Variants in EHD3 observed in about 807,000 individuals in gnomAD.
EHD3 encodes EH domain-containing protein 3.
Under a neutral mutation model 43.0 loss-of-function variants are expected in EHD3, and 17 were observed. The ratio of observed to expected loss-of-function variants is 0.40; its 90% CI spans 0.27 to 0.59. The LOEUF is 0.59. Among genes scored for constraint, EHD3 ranks in the 20% least tolerant of loss-of-function variants. EHD3 has a pLI of 0.49. For missense variants in EHD3, 594 were observed against 705.6 expected, an observed-to-expected ratio of 0.84 and a Z score of 1.79; for synonymous variants, 313 against 289.5, an observed-to-expected ratio of 1.08 and a Z score of -0.82.
chr2:31,260,359 G>T lies in EHD3; in HGVS notation c.503-151G>T. ...TCTATGAGACATTGAGTAATTTGCT[G>T]GAGTCCAAACAGTTAAAATGTGGAG... On this transcript the variant is annotated intron_variant, in intron 3 of 5. Transcript: ENST00000322054. The surrounding 1 kb of genome is among the most constrained non-coding windows in gnomAD (Gnocchi z 4.6). 1 of 712,350 alleles carries T rather than the reference G, an allele frequency of 1.4e-6. No individual in the cohort carries two copies. Among genetic ancestry groups the T allele is most frequent in the Non-Finnish European group, 2.1e-6 (1 of 469,934 alleles). 44.1% of individuals were successfully genotyped at this position (712,350 alleles called of 1,614,324 possible).
chr2:31,266,081 G>C lies in EHD3; in HGVS notation c.1081-96G>C. On this transcript the variant is annotated intron_variant, in intron 5 of 5. Transcript: ENST00000322054. The surrounding 1 kb of genome is among the most constrained non-coding windows in gnomAD (Gnocchi z 5.1). ...GGTCTTTCATTGTAGAAAGGGATCAGCTGTGAACATTCTGGTGCTCATAGG... is the reference window on the plus strand; with the variant it reads ...GGTCTTTCATTGTAGAAAGGGATCACCTGTGAACATTCTGGTGCTCATAGG... 1 of 1,429,640 alleles carries C rather than the reference G, an allele frequency of 7.0e-7. No individual in the cohort carries two copies. The highest frequency in any genetic ancestry group is 9.4e-7 in the Non-Finnish European group (1 of 1,059,734). 88.6% of individuals were successfully genotyped at this position (1,429,640 alleles called of 1,614,324 possible).
chr2:31,261,054 G>A (rs897579559), intron 4 of EHD3, 132 bp downstream of exon 4: 39 of 1,023,132 alleles, frequency 3.8e-5, no homozygotes, highest in East Asian at 5.2e-5. Flanking sequence ...AGGACAGTGC[G>A]GGAGCCATGG....
intron 5 of EHD3, 64 bp downstream of exon 5, chr2:31,261,777 G>A: frequency 6.3e-7 from 1 of 1,574,912 alleles, no homozygotes; most frequent in Non-Finnish European, 8.6e-7. Flanking sequence ...AGCAGCCTGA[G>A]TATGGAGGAG....
chr2:31,257,323 A>C (rs191219216), intron 3 of EHD3, among the ~76,000 whole-genome samples: 2 of 152,290 alleles, frequency 1.3e-5, no homozygotes, highest in East Asian at 3.9e-4. Context: ...ATCCCTGGGA[A>C]GGGAAGGATG....
rs1683953810 is a variant in EHD3 at position 31,266,482 on chromosome 2, C to A, written c.1386C>A (p.Ile462=). 4 of 1,614,152 alleles carry A rather than the reference C, an allele frequency of 2.5e-6. No homozygotes were observed. The highest frequency in any genetic ancestry group is 3.4e-6 in the Non-Finnish European group (4 of 1,180,042). The part of the protein sequence containing the change: ...FYTLSPVDGK[I]TGANAKKEMV... Reference sequence around the variant, plus strand: ...CCCTGTCACCGGTGGATGGCAAGATCACAGGCGCTAATGCCAAGAAGGAGA... The same window carrying A: ...CCCTGTCACCGGTGGATGGCAAGATAACAGGCGCTAATGCCAAGAAGGAGA... The change falls in exon 6 of 6, where the codon ATC becomes ATA. Residue 462 remains isoleucine (I), a synonymous_variant. Transcript: ENST00000322054. The surrounding 1 kb of genome is among the most constrained non-coding windows in gnomAD (Gnocchi z 5.1).
chr2:31,264,802 G>T (rs1026626808), intron 5 of EHD3, among the ~76,000 whole-genome samples: 9 of 151,900 alleles, frequency 5.9e-5, no homozygotes, highest in Non-Finnish European at 1.3e-4. Context: ...CAAAGTGCTG[G>T]GATTACAGGC....
chr2:31,266,519 A>G lies in EHD3; in HGVS notation c.1423A>G (p.Lys475Glu). Reference protein sequence around the residue: ...ANAKKEMVRSKLPNSVLGKIW... With the variant: ...ANAKKEMVRSELPNSVLGKIW... ...TGCCAAGAAGGAGATGGTGCGCTCC[A>G]AGCTGCCCAACAGTGTGCTGGGCAA... The change falls in exon 6 of 6, where the codon AAG (lysine) becomes GAG (glutamate). Residue 475 changes from lysine to glutamate, a missense_variant. Lys to Glu is a moderately conservative substitution (Grantham distance 56). This residue lies in a region of EHD3 where 322 missense variants were observed against 348.0 expected (regional missense o/e 0.93). Transcript: ENST00000322054. The surrounding 1 kb of genome is among the most constrained non-coding windows in gnomAD (Gnocchi z 5.1). 6.2e-7 allele frequency: 1 copy of G among 1,614,176 alleles called. No individual in the cohort carries two copies. Among genetic ancestry groups the G allele is most frequent in the Admixed American group, 1.7e-5 (1 of 60,030 alleles).
At chr2:31,247,745 A>G (rs1256396415) in intron 2 of EHD3, among the ~76,000 whole-genome samples, 1 of 152,234 alleles carries the variant, frequency 6.6e-6, no homozygotes, top group Non-Finnish European at 1.5e-5. Context: ...AACCCAGGCA[A>G]GAGGAAGAGC....
chr2:31,256,368 G>A (rs671403), intron 3 of EHD3, among the ~76,000 whole-genome samples: 16,395 of 152,192 alleles, frequency 0.11, 978 homozygotes, highest in South Asian at 0.14. Context: ...CCATAAAACT[G>A]AGGCCCAGAG....
intron 5 of EHD3, 130 bp downstream of exon 5, chr2:31,261,843 T>TACGAC: frequency 2.0e-6 from 2 of 1,005,836 alleles, no homozygotes; most frequent in African/African-American, 1.8e-5. Context: ...GGCAAGGAGG[T>TACGAC]GGCCCTGGAT....
At chr2:31,254,050 G>T (rs913238422) in intron 3 of EHD3, among the ~76,000 whole-genome samples, 2 of 152,138 alleles carry the variant, frequency 1.3e-5, no homozygotes, top group Admixed American at 6.5e-5. Context: ...ATCACAGACT[G>T]CACAGCTTGA....
chr2:31,254,972 G>A (rs655029), intron 3 of EHD3, among the ~76,000 whole-genome samples: 118,264 of 152,250 alleles, frequency 0.78, 46,353 homozygotes, highest in East Asian at 0.95. Flanking sequence ...TGCATGCCAG[G>A]CCATGATGGA....
rs1683998069 is a variant in EHD3 at position 31,268,598 on chromosome 2, T to C, written c.*1894T>C. 1 of 152,252 alleles carries C rather than the reference T, an allele frequency of 6.6e-6. No homozygotes were observed. Among genetic ancestry groups the C allele is most frequent in the Non-Finnish European group, 1.5e-5 (1 of 68,060 alleles). 9.4% of individuals were successfully genotyped at this position (152,252 alleles called of 1,614,324 possible). A position where few individuals can be genotyped will look rare whatever the true frequency, so the allele number is the denominator to read the frequency against. ...CACAGCTGGTGGAGCCACCGCTCCC[T>C]GCTCCTCTGGAGTGAAGATGTTCCC... is the stretch of plus-strand genomic sequence containing the variant. On this transcript the variant is annotated 3_prime_UTR_variant, in exon 6 of 6. Transcript: ENST00000322054.
At chr2:31,264,978 A>G (rs1041782133) in intron 5 of EHD3, among the ~76,000 whole-genome samples, 1 of 152,114 alleles carries the variant, frequency 6.6e-6, no homozygotes, top group Non-Finnish European at 1.5e-5. Context: ...TGTGTGTGCT[A>G]AAAACTAAGA....
chr2:31,243,939 G>A (rs902962867), intron 1 of EHD3, among the ~76,000 whole-genome samples: 8 of 152,136 alleles, frequency 5.3e-5, no homozygotes, highest in African/African-American at 1.9e-4. Context: ...CAGTTATGGA[G>A]TCTGTAATAC....
At position 31,261,618 on chromosome 2, in the gene EHD3, A is replaced by G. The variant is rs776963239; in HGVS notation, c.985A>G (p.Lys329Glu). The G allele has an allele frequency of 6.2e-7, 1 of 1,614,066 alleles. No homozygotes were observed. The highest frequency in any genetic ancestry group is 8.5e-7 in the Non-Finnish European group (1 of 1,180,046). ...PSVFGKDNKK[K>E]ELVNNLAEIY... ...GGTGTTCGGGAAGGACAACAAGAAG[A>G]AGGAGCTGGTCAACAACCTGGCCGA... Residue 329 changes from lysine (K) to glutamate (E), a missense_variant, in exon 5 of 6, where the codon AAG becomes GAG. By Grantham distance (56) the Lys-to-Glu change is moderately conservative. This residue lies in a region of EHD3 where 322 missense variants were observed against 348.0 expected (regional missense o/e 0.93). Coordinates refer to ENST00000322054, the MANE Select transcript of EHD3 (RefSeq NM_014600.3).
At chr2:31,247,205 C>G (rs572293390) in intron 2 of EHD3, among the ~76,000 whole-genome samples, 1 of 152,200 alleles carries the variant, frequency 6.6e-6, no homozygotes, top group Non-Finnish European at 1.5e-5. Flanking sequence ...TACAGTGGTT[C>G]CATTTAGGAA....
chr2:31,258,824 G>C (rs1272189843), intron 3 of EHD3, among the ~76,000 whole-genome samples: 1 of 152,214 alleles, frequency 6.6e-6, no homozygotes, highest in Non-Finnish European at 1.5e-5. Context: ...TCTCCTGGGA[G>C]CTTGTTAGAA....
rs1352905169 is a variant in EHD3, at chr2:31,266,876, C to CTTGT, written c.*176_*179dup. The CTTGT allele has an allele frequency of 1.2e-5, 10 of 828,236 alleles. No individual in the cohort carries two copies. In the African/African-American group the frequency reaches 1.6e-4, roughly 13 times the overall value. The allele number at this position is 828,236 out of a possible 1,614,324, so 51.3% of individuals were successfully genotyped here. A position where few individuals can be genotyped will look rare whatever the true frequency, so the allele number is the denominator to read the frequency against. ...ATGACGCCCATGTTTGCAGCTGATA[C>CTTGT]TTGTTTGGGCACACCTCCAAGTTCT... is the stretch of plus-strand genomic sequence containing the variant. On this transcript the variant is annotated 3_prime_UTR_variant, in exon 6 of 6. Coordinates refer to ENST00000322054, the MANE Select transcript of EHD3 (RefSeq NM_014600.3). The surrounding 1 kb of genome is among the most constrained non-coding windows in gnomAD (Gnocchi z 5.1).
Sources: gnomAD v4.1 joint callset for allele counts (sites outside exome capture counted in the v4.1 genomes callset) on GRCh38, gnomAD v4.1.1 for gene constraint, gnomAD v4.1.1 regional missense constraint, Gnocchi (gnomAD v3.1) non-coding constraint, MANE v1.5 for transcripts, NCBI Gene and HGNC (gene_info 2026-07-23, HGNC 2026-07-21) for gene names.